Variants in NR6A1 observed in about 807,000 individuals in gnomAD.
NR6A1 encodes the protein nuclear receptor subfamily 6 group A member 1, also known as retinoic acid receptor-related testis-associated receptor.
Under a neutral mutation model 59.1 loss-of-function variants are expected in NR6A1, and 7 were observed. The observed-to-expected ratio is 0.12, with a 90% CI of 0.07 to 0.22. NR6A1 has a LOEUF of 0.22. Ranked by LOEUF, NR6A1 falls within the 10% of genes least tolerant of loss-of-function variation. NR6A1 has a pLI of 1.00. For synonymous variants in NR6A1, 243 were observed against 236.1 expected, an observed-to-expected ratio of 1.03 and a Z score of -0.27; for missense variants, 468 against 611.6, an observed-to-expected ratio of 0.77 and a Z score of 2.48.
chr9:124,666,902 AAAT>A (rs1225003938), intron 2 of NR6A1, among the ~76,000 whole-genome samples: 1 of 152,040 alleles, frequency 6.6e-6, no homozygotes, highest in East Asian at 1.9e-4. Flanking sequence ...GGGGCGGGGG[AAAT>A]AATACCACTT....
At chr9:124,564,679 C>CTGTGTGTGTGTGTGTG (rs1491483034) in intron 2 of NR6A1, among the ~76,000 whole-genome samples, 2 of 68,762 alleles carry the variant, frequency 2.9e-5, no homozygotes, top group African/African-American at 9.7e-5. Flanking sequence ...AAAATCCACA[C>CTGTGTGTGTGTGTGTG]TCTGTGTGTG....
chr9:124,555,476 C>T (rs1013105801), intron 2 of NR6A1, among the ~76,000 whole-genome samples: 1 of 152,154 alleles, frequency 6.6e-6, no homozygotes, highest in African/African-American at 2.4e-5. Flanking sequence ...TAGAGCCAGG[C>T]GTGATGGCAC....
chr9:124,687,781 G>C (rs1187329644), intron 2 of NR6A1, among the ~76,000 whole-genome samples: 1 of 152,132 alleles, frequency 6.6e-6, no homozygotes, highest in Non-Finnish European at 1.5e-5. Context: ...GGGGCAGATG[G>C]GAAACTTGCA....
chr9:124,766,060 A>G (rs1014832560), intron 1 of NR6A1, among the ~76,000 whole-genome samples: 1 of 152,202 alleles, frequency 6.6e-6, no homozygotes, highest in Non-Finnish European at 1.5e-5. Context: ...AATACTGTAT[A>G]TCAAAGTTAC....
intron 2 of NR6A1, among the ~76,000 whole-genome samples, chr9:124,607,825 G>T (rs144353014): frequency 1.3e-5 from 2 of 152,074 alleles, no homozygotes; most frequent in Non-Finnish European, 2.9e-5. Context: ...TAGGATGATC[G>T]CTTGAGGCCA....
At chr9:124,601,916 C>G (rs1234299622) in intron 2 of NR6A1, among the ~76,000 whole-genome samples, 1 of 152,118 alleles carries the variant, frequency 6.6e-6, no homozygotes, top group Non-Finnish European at 1.5e-5. Flanking sequence ...CCACTGCACT[C>G]CAGCCTGGGT....
chr9:124,590,529 G>A (rs1835085481), intron 2 of NR6A1, among the ~76,000 whole-genome samples: 1 of 152,106 alleles, frequency 6.6e-6, no homozygotes, highest in African/African-American at 2.4e-5. Context: ...AGATCAAAAA[G>A]GAGATCTGTA....
At chr9:124,633,507 A>G (rs1836508704) in intron 2 of NR6A1, among the ~76,000 whole-genome samples, 1 of 152,154 alleles carries the variant, frequency 6.6e-6, no homozygotes, top group Admixed American at 6.6e-5. Context: ...TGCAGGCTAA[A>G]ACATAGACTC....
intron 3 of NR6A1, among the ~76,000 whole-genome samples, chr9:124,544,150 A>C (rs1324763027): frequency 6.6e-6 from 1 of 152,254 alleles, no homozygotes; most frequent in Non-Finnish European, 1.5e-5. Context: ...AGTTACAAAC[A>C]TCCTGCCAGG....
In NR6A1 at chr9:124,770,591, C is replaced by G. The variant is rs372976634; in HGVS notation, c.100+429G>C. Among the ~76,000 whole-genome samples the G allele has an allele frequency of 1.2e-3, 175 of 146,902 alleles. 2 individuals carry two copies. The highest frequency in any genetic ancestry group is 3.8e-3 in the African/African-American group (150 of 39,346). On this transcript the variant is annotated intron_variant, in intron 1 of 9. Coordinates refer to ENST00000487099, the MANE Select transcript of NR6A1 (RefSeq NM_033334.4). ...GAACCCGAGTGAGGGGATGCCCCCA[C>G]TGACGGACCGCGGTGGGGACTTCCA...
chr9:124,685,330 G>A (rs1162680406), intron 2 of NR6A1, among the ~76,000 whole-genome samples: 1 of 152,076 alleles, frequency 6.6e-6, no homozygotes, highest in African/African-American at 2.4e-5. Flanking sequence ...ACTTTTTCTG[G>A]GAGGAGTTGG....
intron 2 of NR6A1, among the ~76,000 whole-genome samples, chr9:124,674,045 T>C (rs1422760853): frequency 6.6e-6 from 1 of 152,210 alleles, no homozygotes; most frequent in East Asian, 1.9e-4. Flanking sequence ...TAGCTTCAGT[T>C]TTCTCATTTC....
intron 2 of NR6A1, among the ~76,000 whole-genome samples, chr9:124,665,130 G>A (rs1402523959): frequency 1.3e-5 from 2 of 150,546 alleles, no homozygotes; most frequent in African/African-American, 2.4e-5. Context: ...AGGCTGCAGG[G>A]AGCCATGTTC....
intron 2 of NR6A1, among the ~76,000 whole-genome samples, chr9:124,567,340 G>A (rs1049847055): frequency 2.6e-5 from 4 of 152,106 alleles, no homozygotes; most frequent in Non-Finnish European, 5.9e-5. Flanking sequence ...AGGGGAAGCT[G>A]AGACCTTAGG....
At chr9:124,769,409 G>T (rs1218451669) in intron 1 of NR6A1, among the ~76,000 whole-genome samples, 2 of 152,128 alleles carry the variant, frequency 1.3e-5, no homozygotes, top group African/African-American at 4.8e-5. Flanking sequence ...GTTAATAAAC[G>T]TATGAAGGCA....
At chr9:124,552,940 T>C (rs1833818372) in intron 3 of NR6A1, among the ~76,000 whole-genome samples, 1 of 152,214 alleles carries the variant, frequency 6.6e-6, no homozygotes, top group South Asian at 2.1e-4. Context: ...GATGTCTGCA[T>C]TCATAATGCT....
chr9:124,769,856 C>T (rs1841062566), intron 1 of NR6A1, among the ~76,000 whole-genome samples: 1 of 152,246 alleles, frequency 6.6e-6, no homozygotes, highest in Non-Finnish European at 1.5e-5. Context: ...CTCCAGGGCG[C>T]TTTCCAAGTT....
chr9:124,715,984 C>T (rs377661368), intron 2 of NR6A1, among the ~76,000 whole-genome samples: 10 of 152,180 alleles, frequency 6.6e-5, no homozygotes, highest in African/African-American at 2.4e-4. Flanking sequence ...AGGAGGATTA[C>T]TTGAGGCCAG....
chr9:124,686,236 A>G (rs1413816509), intron 2 of NR6A1, among the ~76,000 whole-genome samples: 2 of 152,256 alleles, frequency 1.3e-5, no homozygotes, highest in African/African-American at 4.8e-5. Context: ...AAATAGTCTT[A>G]TATCACTGAT....
Sources: gnomAD v4.1 joint callset for allele counts (sites outside exome capture counted in the v4.1 genomes callset) on GRCh38, gnomAD v4.1.1 for gene constraint, MANE v1.5 for transcripts, NCBI Gene and HGNC (gene_info 2026-07-23, HGNC 2026-07-21) for gene names.